RAP1GDS1: variants seen among roughly 807,000 people sequenced by gnomAD.
The protein encoded by RAP1GDS1 is Rap1 GTPase-GDP dissociation stimulator 1.
RAP1GDS1 carries 35 observed loss-of-function variants against 71.1 expected under a neutral mutation model. The observed-to-expected ratio is 0.49, with a 90% CI of 0.38 to 0.65. The LOEUF (loss-of-function observed/expected upper bound fraction) is 0.65. Ranked by LOEUF, RAP1GDS1 falls within the 30% of genes least tolerant of loss-of-function variation. The probability of loss-of-function intolerance (pLI) is 0.00; values close to 1 mark genes in which losing one functional copy is unlikely to be tolerated. For missense variants in RAP1GDS1, 663 were observed against 706.1 expected, an observed-to-expected ratio of 0.94 and a Z score of 0.69; for synonymous variants, 229 against 243.1, an observed-to-expected ratio of 0.94 and a Z score of 0.54.
At chr4:98,315,840 G>A (rs996619762) in intron 2 of RAP1GDS1, among the ~76,000 whole-genome samples, 3 of 152,138 alleles carry the variant, frequency 2.0e-5, no homozygotes, top group African/African-American at 7.2e-5. Context: ...GAAAGGTGGT[G>A]TGTTGACAGT....
intron 1 of RAP1GDS1, among the ~76,000 whole-genome samples, chr4:98,264,275 A>G (rs539261508): frequency 1.3e-5 from 2 of 152,268 alleles, no homozygotes; most frequent in Non-Finnish European, 2.9e-5. Context: ...GGGCGCCTGT[A>G]ATCCCAGCTG....
chr4:98,395,167 A>G (rs1744330909), intron 6 of RAP1GDS1, among the ~76,000 whole-genome samples: 1 of 152,150 alleles, frequency 6.6e-6, no homozygotes, highest in African/African-American at 2.4e-5. Context: ...GACACAAAGC[A>G]TCTTTAAGTG....
At chr4:98,344,650 T>A (rs1451793470) in intron 3 of RAP1GDS1, among the ~76,000 whole-genome samples, 5 of 152,170 alleles carry the variant, frequency 3.3e-5, no homozygotes. Context: ...TCGAAAGACA[T>A]AATAGAATTT....
intron 3 of RAP1GDS1, among the ~76,000 whole-genome samples, chr4:98,347,477 A>C (rs1179605693): frequency 1.3e-5 from 2 of 152,212 alleles, no homozygotes; most frequent in East Asian, 3.8e-4. Context: ...CTATTCCTTA[A>C]ACCTCTGTAT....
intron 1 of RAP1GDS1, among the ~76,000 whole-genome samples, chr4:98,276,026 GC>G (rs975227443): frequency 1.3e-5 from 2 of 152,064 alleles, no homozygotes; most frequent in Non-Finnish European, 2.9e-5. Flanking sequence ...ATATTGGGTG[GC>G]ATATAAACAA....
chr4:98,279,292 T>G (rs1363755168), intron 1 of RAP1GDS1, among the ~76,000 whole-genome samples: 1 of 152,056 alleles, frequency 6.6e-6, no homozygotes, highest in Non-Finnish European at 1.5e-5. Context: ...AGGAACATTA[T>G]TATGTCTTAG....
At chr4:98,425,425 C>G (rs774448786) in intron 12 of RAP1GDS1, among the ~76,000 whole-genome samples, 18 of 152,070 alleles carry the variant, frequency 1.2e-4, no homozygotes, top group Non-Finnish European at 2.2e-4. Flanking sequence ...CTAAATGTTC[C>G]ACTAAAAGAT....
At chr4:98,320,762 C>G (rs568251143) in intron 2 of RAP1GDS1, among the ~76,000 whole-genome samples, 194 of 150,240 alleles carry the variant, frequency 1.3e-3, no homozygotes, top group African/African-American at 4.4e-3. Flanking sequence ...ACACCAAAAA[C>G]CCATCTGTAC....
chr4:98,352,397 T>C (rs1226787583), intron 3 of RAP1GDS1, 79 bp from the exon 4 acceptor site: 17 of 1,444,050 alleles, frequency 1.2e-5, no homozygotes, highest in Non-Finnish European at 1.6e-5. Context: ...TAAAAGTAGG[T>C]ATTTATTTTA....
chr4:98,380,176 A>C (rs761510908), intron 5 of RAP1GDS1, among the ~76,000 whole-genome samples: 2 of 151,490 alleles, frequency 1.3e-5, no homozygotes, highest in Non-Finnish European at 3.0e-5. Context: ...GGACTGTGGT[A>C]AGTTGAAGAG....
intron 2 of RAP1GDS1, among the ~76,000 whole-genome samples, chr4:98,334,423 C>T (rs963612389): frequency 9.2e-5 from 14 of 152,150 alleles, no homozygotes; most frequent in African/African-American, 3.4e-4. Context: ...ATGAGAAAAA[C>T]AAAATTTCTA....
At chr4:98,335,938 G>C (rs1250380057) in intron 2 of RAP1GDS1, among the ~76,000 whole-genome samples, 1 of 152,066 alleles carries the variant, frequency 6.6e-6, no homozygotes, top group Non-Finnish European at 1.5e-5. Context: ...CTATTAAGAA[G>C]TGACTTACTT....
At chr4:98,327,259 A>G (rs572994093) in intron 2 of RAP1GDS1, among the ~76,000 whole-genome samples, 1 of 152,276 alleles carries the variant, frequency 6.6e-6, no homozygotes, top group South Asian at 2.1e-4. Flanking sequence ...CCATGGGAAT[A>G]CATGTGCCAT....
intron 9 of RAP1GDS1, among the ~76,000 whole-genome samples, chr4:98,418,166 C>T (rs576164319): frequency 5.9e-5 from 9 of 152,114 alleles, no homozygotes; most frequent in South Asian, 2.1e-4. Context: ...GGAGTGACTT[C>T]CTAATTATGG....
At chr4:98,306,849 A>G (rs1323924426) in intron 2 of RAP1GDS1, among the ~76,000 whole-genome samples, 1 of 152,132 alleles carries the variant, frequency 6.6e-6, no homozygotes, top group Non-Finnish European at 1.5e-5. Flanking sequence ...GCTTTCTTAC[A>G]TCGTCTAAAT....
At chr4:98,397,737 C>T (rs1744760776) in intron 6 of RAP1GDS1, among the ~76,000 whole-genome samples, 1 of 152,102 alleles carries the variant, frequency 6.6e-6, no homozygotes, top group African/African-American at 2.4e-5. Flanking sequence ...TGATGACTAC[C>T]CCTTGCCTAT....
At chr4:98,440,466 T>A (rs6834829) in intron 14 of RAP1GDS1, among the ~76,000 whole-genome samples, 21,830 of 152,208 alleles carry the variant, frequency 0.14, 2,275 homozygotes, top group African/African-American at 0.29. Context: ...GTACATTTCT[T>A]CCAGCAGTAC....
chr4:98,363,409 A>G lies in RAP1GDS1; in HGVS notation c.361+10808A>G, dbSNP rs577031511. ...TGAGGTGGGAGGATCACTTGAGCCC[A>G]GGAGTTCTAGGCTGCAGTGAGCCAT... On this transcript the variant is annotated intron_variant, in intron 4 of 14. Transcript: ENST00000408927. 2.1e-4 allele frequency among the ~76,000 whole-genome samples: 31 copies of G among 144,944 alleles called. No homozygotes were observed. The South Asian group carries it at 3.1e-3, about 14-fold the overall frequency.
At chr4:98,408,358 C>G (rs922709281) in intron 7 of RAP1GDS1, among the ~76,000 whole-genome samples, 1 of 152,086 alleles carries the variant, frequency 6.6e-6, no homozygotes, top group Admixed American at 6.5e-5. Flanking sequence ...ATCTCAAACT[C>G]CTGACCTCAG....
Sources: allele counts gnomAD v4.1 joint callset (sites outside exome capture counted in the v4.1 genomes callset), GRCh38; gene constraint gnomAD v4.1.1; transcripts MANE v1.5; gene names NCBI Gene and HGNC (gene_info 2026-07-23, HGNC 2026-07-21).